Variants in CBLB observed in about 807,000 individuals in gnomAD.
CBLB encodes the protein Cbl proto-oncogene B, also known as E3 ubiquitin-protein ligase CBL-B.
CBLB carries 31 observed loss-of-function variants against 104.9 expected under a neutral mutation model. The ratio of observed to expected loss-of-function variants is 0.30; its 90% confidence interval spans 0.22 to 0.40. The LOEUF is 0.40. Ranked by LOEUF, CBLB falls within the 10% of genes least tolerant of loss-of-function variation. The pLI is 1.00. For missense variants in CBLB, 1,062 were observed against 1,214.6 expected (o/e 0.87, Z 1.87); for synonymous variants, 440 against 422.6 (o/e 1.04, Z -0.51).
At chr3:105,743,732 T>TA (rs757956619) in intron 6 of CBLB, among the ~76,000 whole-genome samples, 11,710 of 134,124 alleles carry the variant, frequency 0.087, 636 homozygotes, top group Admixed American at 0.18. Flanking sequence ...CTTTCCAAGA[T>TA]AAAAAAAAAA....
intron 3 of CBLB, among the ~76,000 whole-genome samples, chr3:105,839,089 G>C (rs2089129617): frequency 6.6e-6 from 1 of 152,194 alleles, no homozygotes; most frequent in South Asian, 2.1e-4. Context: ...TGTGGATTCT[G>C]AAAGCAGACA....
At chr3:105,810,246 A>T (rs1328425842) in intron 3 of CBLB, among the ~76,000 whole-genome samples, 1 of 152,166 alleles carries the variant, frequency 6.6e-6, no homozygotes, top group East Asian at 1.9e-4. Flanking sequence ...TTTATTCAAT[A>T]AAATTAATTA....
At chr3:105,691,932 T>G (rs2067755316) in intron 13 of CBLB, among the ~76,000 whole-genome samples, 1 of 152,218 alleles carries the variant, frequency 6.6e-6, no homozygotes, top group Non-Finnish European at 1.5e-5. Flanking sequence ...TCACAAAGTC[T>G]ATAACAGCCT....
At chr3:105,806,655 T>C (rs776104276) in intron 3 of CBLB, among the ~76,000 whole-genome samples, 16 of 152,230 alleles carry the variant, frequency 1.1e-4, no homozygotes, top group Non-Finnish European at 1.5e-4. Context: ...AGGCATGTCA[T>C]ACCAAGTTAC....
chr3:105,718,419 T>TTG (rs1326424176), intron 10 of CBLB, among the ~76,000 whole-genome samples: 1 of 152,200 alleles, frequency 6.6e-6, no homozygotes, highest in Non-Finnish European at 1.5e-5. Flanking sequence ...GGGAATGTAT[T>TTG]TGGTCAGCAT....
rs141983540 is a variant in CBLB at position 105,840,168 on chromosome 3, T to C, written c.419+13246A>G. ...ATGAGCTGAGATGCTTTATCATTAATATAGTTCAGAAAAAACTAGGTAATC... is the reference window on the plus strand; with the variant it reads ...ATGAGCTGAGATGCTTTATCATTAACATAGTTCAGAAAAAACTAGGTAATC... On this transcript the variant is annotated intron_variant, in intron 3 of 18. Coordinates refer to ENST00000394030, the MANE Select transcript of CBLB (RefSeq NM_170662.5). Among the ~76,000 whole-genome samples, 196 of 152,342 alleles carry C rather than the reference T, an allele frequency of 1.3e-3. 1 individual carries two copies. The highest frequency in any genetic ancestry group is 4.5e-3 in the African/African-American group (187 of 41,588).
chr3:105,684,682 A>G (rs1160661591), intron 14 of CBLB, among the ~76,000 whole-genome samples: 1 of 151,794 alleles, frequency 6.6e-6, no homozygotes, highest in Non-Finnish European at 1.5e-5. Flanking sequence ...CCTCCTGAGT[A>G]GCTGGGATTA....
At chr3:105,828,609 T>C (rs2086955051) in intron 3 of CBLB, among the ~76,000 whole-genome samples, 1 of 152,118 alleles carries the variant, frequency 6.6e-6, no homozygotes, top group South Asian at 2.1e-4. Context: ...GTTCCACACA[T>C]TTTTTTAGCA....
chr3:105,804,790 ACCT>A (rs1328662663), intron 3 of CBLB, among the ~76,000 whole-genome samples: 6 of 151,592 alleles, frequency 4.0e-5, no homozygotes, highest in Non-Finnish European at 5.9e-5. Flanking sequence ...TTTAGTTTTT[ACCT>A]CCTCTTTATT....
At chr3:105,819,261 T>G (rs1175172536) in intron 3 of CBLB, among the ~76,000 whole-genome samples, 2 of 151,378 alleles carry the variant, frequency 1.3e-5, no homozygotes, top group Admixed American at 6.6e-5. Context: ...CCAAGGGGGG[T>G]GGATCCCCTG....
Position 105,678,422 on chromosome 3 carries a change from C to T in CBLB, c.2569+9G>A. The T allele has an allele frequency of 1.2e-6, 2 of 1,613,690 alleles. No individual in the cohort carries two copies. The highest frequency in any genetic ancestry group is 8.5e-7 in the Non-Finnish European group (1 of 1,179,710). On this transcript the variant is annotated intron_variant, in intron 17 of 18. Transcript: ENST00000394030. Reference sequence around the variant, plus strand: ...AAGTGAATAGTTTTCTTTGGCTTTTCCCTCCTACCTGAAGGAAGAAGAAAA... The same window carrying T: ...AAGTGAATAGTTTTCTTTGGCTTTTTCCTCCTACCTGAAGGAAGAAGAAAA...
chr3:105,767,007 TTACAA>T (rs1375192347), intron 4 of CBLB, among the ~76,000 whole-genome samples: 1 of 152,196 alleles, frequency 6.6e-6, no homozygotes, highest in Non-Finnish European at 1.5e-5. Flanking sequence ...TTGTATCTTG[TTACAA>T]TGAATTGAAC....
At chr3:105,813,592 A>AC (rs1215424238) in intron 3 of CBLB, among the ~76,000 whole-genome samples, 1 of 152,114 alleles carries the variant, frequency 6.6e-6, no homozygotes, top group Non-Finnish European at 1.5e-5. Context: ...AGAAAATAAA[A>AC]ATTAAAATTA....
intron 3 of CBLB, among the ~76,000 whole-genome samples, chr3:105,781,568 A>G (rs1049046235): frequency 6.6e-6 from 1 of 152,188 alleles, no homozygotes; most frequent in Non-Finnish European, 1.5e-5. Flanking sequence ...TAAAAGAAAT[A>G]GAAAATATAT....
intron 9 of CBLB, among the ~76,000 whole-genome samples, chr3:105,727,724 A>G (rs907025165): frequency 6.6e-6 from 1 of 152,018 alleles, no homozygotes; most frequent in Non-Finnish European, 1.5e-5. Flanking sequence ...TTTGTATAAG[A>G]TATAAGGAAG....
intron 3 of CBLB, among the ~76,000 whole-genome samples, chr3:105,817,075 G>A (rs1336131931): frequency 6.6e-6 from 1 of 152,024 alleles, no homozygotes; most frequent in Non-Finnish European, 1.5e-5. Flanking sequence ...GAATTATGAA[G>A]GCATGAAAAT....
chr3:105,678,407 T>A (rs912041604), intron 17 of CBLB, 24 bp downstream of exon 17: 8 of 1,612,650 alleles, frequency 5.0e-6, no homozygotes, highest in Non-Finnish European at 6.8e-6. Flanking sequence ...AAGTGAATAG[T>A]TTTCTTTGGC....
rs768729900 is a variant in CBLB, at chr3:105,853,450, C to A, written c.383G>T (p.Gly128Val). Residue 128 changes from glycine to valine, a missense_variant, in exon 3 of 19, where the codon GGC (glycine) becomes GTC (valine). Physicochemically the swap from Gly to Val is moderately radical, Grantham distance 109. Around this residue, in one of 2 missense-constraint regions of CBLB, gnomAD observed 457 missense variants for 632.0 expected, o/e 0.72. Coordinates refer to ENST00000394030, the MANE Select transcript of CBLB (RefSeq NM_170662.5). ...SKRAIRLFKE[G>V]KERMYEEQSQ... ...CTGTTCTTCATACATTCTCTCCTTG[C>A]CTTCTTTAAAGAGTCTTATTGCCCG... The A allele has an allele frequency of 1.2e-6, 2 of 1,613,584 alleles. No individual in the cohort carries two copies. The highest frequency in any genetic ancestry group is 1.7e-6 in the Non-Finnish European group (2 of 1,179,658).
intron 4 of CBLB, among the ~76,000 whole-genome samples, chr3:105,763,396 AATTGTTAGCTCCC>A (rs1259316338): frequency 1.3e-5 from 2 of 152,120 alleles, no homozygotes; most frequent in Non-Finnish European, 2.9e-5. Flanking sequence ...TTTCATCTTG[AATTGTTAGCTCCC>A]ATAATTCCCA....
Sources: allele counts gnomAD v4.1 joint callset (sites outside exome capture counted in the v4.1 genomes callset), GRCh38; gene constraint gnomAD v4.1.1; regional missense constraint gnomAD v4.1.1; transcripts MANE v1.5; gene names NCBI Gene and HGNC (gene_info 2026-07-23, HGNC 2026-07-21).